ADCY2: variants seen among roughly 807,000 people sequenced by gnomAD.
ADCY2 encodes adenylate cyclase type 2.
Under a neutral mutation model 125.2 loss-of-function variants are expected in ADCY2, and 31 were observed. The ratio of observed to expected loss-of-function variants is 0.25; its 90% CI spans 0.19 to 0.33. ADCY2 has a LOEUF of 0.33. ADCY2 is among the 10% of genes least tolerant of loss of function. ADCY2 has a pLI of 1.00. For synonymous variants in ADCY2, 512 were observed against 548.4 expected (o/e 0.93, Z 0.93); for missense variants, 904 against 1,418.2 (o/e 0.64, Z 5.82).
At chr5:7,731,520 G>A (rs762640705) in intron 14 of ADCY2, among the ~76,000 whole-genome samples, 8 of 152,064 alleles carry the variant, frequency 5.3e-5, no homozygotes, top group Non-Finnish European at 1.2e-4. Context: ...CTCCCAAAGT[G>A]CTGGGATTAT....
intron 3 of ADCY2, among the ~76,000 whole-genome samples, chr5:7,583,856 A>C (rs1736519457): frequency 6.6e-6 from 1 of 152,172 alleles, no homozygotes; most frequent in South Asian, 2.1e-4. Context: ...ATGGCTATAC[A>C]AACTATGAAG....
chr5:7,713,363 A>G (rs1343592134), intron 11 of ADCY2, among the ~76,000 whole-genome samples: 2 of 151,894 alleles, frequency 1.3e-5, no homozygotes, highest in Non-Finnish European at 2.9e-5. Context: ...GTGTTGTGGC[A>G]TATGCCTGTA....
intron 3 of ADCY2, among the ~76,000 whole-genome samples, chr5:7,559,058 T>C (rs1735626955): frequency 6.6e-6 from 1 of 152,198 alleles, no homozygotes; most frequent in African/African-American, 2.4e-5. Context: ...ACCAGTACCA[T>C]GCTGTTTTGA....
Position 7,652,059 on chromosome 5 carries a change from C to T in ADCY2, c.720+25743C>T, listed in dbSNP as rs1416199991. On this transcript the variant is annotated intron_variant, in intron 4 of 24. Coordinates refer to ENST00000338316, the MANE Select transcript of ADCY2 (RefSeq NM_020546.3). Reference sequence around the variant, plus strand: ...CCTTGTGATCCACCCACCTCGGCCTCCCAAAGTGCTGGGATTACAGGCGTG... The same window carrying T: ...CCTTGTGATCCACCCACCTCGGCCTTCCAAAGTGCTGGGATTACAGGCGTG... 4.6e-5 allele frequency among the ~76,000 whole-genome samples: 7 copies of T among 152,292 alleles called. No individual in the cohort carries two copies. In the South Asian group the frequency reaches 1.5e-3, roughly 32 times the overall value.
chr5:7,469,285 A>G (rs1742244725), intron 2 of ADCY2, among the ~76,000 whole-genome samples: 1 of 150,592 alleles, frequency 6.6e-6, no homozygotes, highest in Non-Finnish European at 1.5e-5. Context: ...GTGTGACTAT[A>G]TGAGTACATT....
At chr5:7,546,434 G>T (rs1735149762) in intron 3 of ADCY2, among the ~76,000 whole-genome samples, 2 of 152,110 alleles carry the variant, frequency 1.3e-5, no homozygotes, top group African/African-American at 2.4e-5. Context: ...TTTTTCTGGT[G>T]TGAAGACCGA....
At chr5:7,458,076 T>G (rs2126432843) in intron 2 of ADCY2, among the ~76,000 whole-genome samples, 1 of 152,308 alleles carries the variant, frequency 6.6e-6, no homozygotes, top group South Asian at 2.1e-4. Context: ...GTTTTACATG[T>G]CCTCAGGGAT....
At chr5:7,713,300 G>T (rs1014883250) in intron 11 of ADCY2, among the ~76,000 whole-genome samples, 1 of 152,030 alleles carries the variant, frequency 6.6e-6, no homozygotes, top group African/African-American at 2.4e-5. Flanking sequence ...AGACCAGCCT[G>T]GCCAACATAA....
intron 12 of ADCY2, among the ~76,000 whole-genome samples, chr5:7,718,145 ATT>A (rs59353850): frequency 2.6e-4 from 30 of 115,392 alleles, no homozygotes; most frequent in African/African-American, 6.9e-4. Flanking sequence ...CCTGTTTTAG[ATT>A]TTTTTTTTTT....
chr5:7,675,447 G>C (rs1265106781), intron 4 of ADCY2, among the ~76,000 whole-genome samples: 1 of 152,190 alleles, frequency 6.6e-6, no homozygotes, highest in Non-Finnish European at 1.5e-5. Flanking sequence ...GTAAGTGAAA[G>C]AGTTACAGAA....
chr5:7,638,705 C>T (rs903696757), intron 4 of ADCY2, among the ~76,000 whole-genome samples: 1 of 152,182 alleles, frequency 6.6e-6, no homozygotes, highest in African/African-American at 2.4e-5. Context: ...GATGAAGTGA[C>T]TCAGAGATTC....
intron 3 of ADCY2, among the ~76,000 whole-genome samples, chr5:7,608,001 G>A (rs1307359415): frequency 6.6e-6 from 1 of 152,196 alleles, no homozygotes; most frequent in Non-Finnish European, 1.5e-5. Context: ...AGCCTTGAGA[G>A]CTCTGAAGTA....
At position 7,747,711 on chromosome 5, in the gene ADCY2, C is replaced by T. The variant is rs891743101; in HGVS notation, c.1956+3959C>T. 6.6e-5 allele frequency among the ~76,000 whole-genome samples: 10 copies of T among 152,214 alleles called. 1 individual carries two copies. Among genetic ancestry groups the T allele is most frequent in the African/African-American group, 9.6e-5 (4 of 41,460 alleles). ...TCCAACTCTGAAGAGCCCGCCTTTG[C>T]ACCACCAACTCCTCTCATGCTGGCT... On this transcript the variant is annotated intron_variant, in intron 15 of 24. Transcript: ENST00000338316.
At chr5:7,641,395 A>T (rs1369201816) in intron 4 of ADCY2, among the ~76,000 whole-genome samples, 4 of 152,154 alleles carry the variant, frequency 2.6e-5, no homozygotes, top group East Asian at 1.9e-4. Flanking sequence ...AATAACAAAG[A>T]TGATCGTGGT....
intron 2 of ADCY2, among the ~76,000 whole-genome samples, chr5:7,426,476 A>T (rs1242521959): frequency 6.6e-6 from 1 of 152,174 alleles, no homozygotes; most frequent in Non-Finnish European, 1.5e-5. Context: ...AGATGGAAAG[A>T]CCAGGCAGCT....
intron 12 of ADCY2, among the ~76,000 whole-genome samples, chr5:7,718,242 G>A (rs1741657819): frequency 7.0e-6 from 1 of 143,260 alleles, no homozygotes; most frequent in Non-Finnish European, 1.5e-5. Context: ...TCCACCTCCC[G>A]GGTTCACGCC....
At chr5:7,504,199 G>T (rs533806642) in intron 2 of ADCY2, among the ~76,000 whole-genome samples, 1 of 152,262 alleles carries the variant, frequency 6.6e-6, no homozygotes, top group Non-Finnish European at 1.5e-5. Context: ...TGTGCTCACG[G>T]CTACCTCTTA....
At chr5:7,483,351 T>C (rs972819973) in intron 2 of ADCY2, among the ~76,000 whole-genome samples, 5 of 152,044 alleles carry the variant, frequency 3.3e-5, no homozygotes, top group Non-Finnish European at 7.4e-5. Flanking sequence ...TTCAAGAATT[T>C]GCAGGTTAGG....
intron 3 of ADCY2, among the ~76,000 whole-genome samples, chr5:7,525,488 C>G (rs937315087): frequency 2.6e-5 from 4 of 152,062 alleles, no homozygotes; most frequent in Non-Finnish European, 5.9e-5. Context: ...TAAAATCAAC[C>G]CTCTCTGATT....
Sources: allele counts gnomAD v4.1 joint callset (sites outside exome capture counted in the v4.1 genomes callset), GRCh38; gene constraint gnomAD v4.1.1; transcripts MANE v1.5; gene names NCBI Gene and HGNC (gene_info 2026-07-23, HGNC 2026-07-21).